MTFR1L: variants seen among roughly 807,000 people sequenced by gnomAD.
MTFR1L encodes mitochondrial fission regulator 1-like.
In MTFR1L, 10 loss-of-function variants were observed where a neutral mutation model predicts 27.9. That is an observed-to-expected ratio of 0.36 (90% CI 0.22 to 0.61). The LOEUF is 0.61. Among genes scored for constraint, MTFR1L ranks in the 20% least tolerant of loss-of-function variants. The pLI is 0.73. For synonymous variants in MTFR1L, 151 were observed against 139.4 expected (o/e 1.08, Z -0.58); for missense variants, 315 against 363.7 (o/e 0.87, Z 1.09).
chr1:25,826,473 A>G lies in MTFR1L; in HGVS notation c.239+62A>G. ...GAACTTCCCAGAAGAGGTGGCAGGC[A>G]GCAAGGAGAGAGGAATGAGAACTGT... On this transcript the variant is annotated intron_variant, in intron 4 of 6. Transcript: ENST00000374303. The surrounding 1 kb of genome is among the most constrained non-coding windows in gnomAD (Gnocchi z 4.1). 2 of 1,594,358 alleles carry G rather than the reference A, an allele frequency of 1.3e-6. No homozygotes were observed. Among genetic ancestry groups the G allele is most frequent in the South Asian group, 2.2e-5 (2 of 90,634 alleles).
chr1:25,828,473 T>C (rs56156487), intron 5 of MTFR1L, among the ~76,000 whole-genome samples: 5,863 of 151,150 alleles, frequency 0.039, 397 homozygotes, highest in African/African-American at 0.14. Flanking sequence ...ACCTGGAAGG[T>C]GGAGGTGGAG....
At chr1:25,824,414 C>T (rs933335998) in intron 3 of MTFR1L, among the ~76,000 whole-genome samples, 3 of 152,168 alleles carry the variant, frequency 2.0e-5, no homozygotes, top group African/African-American at 7.2e-5. Context: ...TGGTTAAGCA[C>T]CAGCCCCAAA....
rs138804319 is a variant in MTFR1L, at chr1:25,822,522, CTTTTTT to C, written c.-86-480_-86-475del. The C allele has an allele frequency of 3.4e-3, 369 of 109,042 alleles. 5 individuals are homozygous for C. Among genetic ancestry groups the C allele is most frequent in the African/African-American group, 5.2e-3 (124 of 23,960 alleles). 6.8% of individuals were successfully genotyped at this position (109,042 alleles called of 1,614,324 possible). On this transcript the variant is annotated intron_variant, in intron 1 of 6. Coordinates refer to ENST00000374303, the MANE Select transcript of MTFR1L (RefSeq NM_001099625.2). The stretch of plus-strand genomic sequence containing the variant: ...GGTTGGCCAAGCTCACTAGGCAAAT[CTTTTTT>C]TTTTTTTTTTTTTTTTGAGACGGAG...
intron 1 of MTFR1L, 152 bp from the exon 2 acceptor site, chr1:25,822,865 GCT>G (rs3033467): frequency 0.8 from 505,651 of 630,004 alleles, 204,167 homozygotes; most frequent in East Asian, 0.97. Flanking sequence ...TGGACTTAGA[GCT>G]AAGTGTTGGG....
chr1:25,820,267 TC>T lies in MTFR1L; in HGVS notation c.-87+239del, dbSNP rs1190405650. 3.9e-5 allele frequency: 18 copies of T among 455,784 alleles called. 1 individual carries two copies. In the Admixed American group the frequency reaches 4.2e-4, roughly 11 times the overall value. 28.2% of individuals were successfully genotyped at this position (455,784 alleles called of 1,614,324 possible). A position where few individuals can be genotyped will look rare whatever the true frequency, so the allele number is the denominator to read the frequency against. ...CAAGCCAGACCTCAGGCTTCTAGTTTCGGCTTCGCTGCTTGACGGGCCGGGC... is the reference window on the plus strand; with the variant it reads ...CAAGCCAGACCTCAGGCTTCTAGTTTGGCTTCGCTGCTTGACGGGCCGGGC... On this transcript the variant is annotated intron_variant, in intron 1 of 6. Coordinates refer to ENST00000374303, the MANE Select transcript of MTFR1L (RefSeq NM_001099625.2).
intron 5 of MTFR1L, among the ~76,000 whole-genome samples, chr1:25,828,534 T>C (rs1282918916): frequency 6.6e-6 from 1 of 151,222 alleles, no homozygotes; most frequent in East Asian, 1.9e-4. Flanking sequence ...CACTCCAGCA[T>C]GGGCGACAGA....
At chr1:25,830,125 C>T (rs2048218786) in intron 6 of MTFR1L, among the ~76,000 whole-genome samples, 1 of 152,180 alleles carries the variant, frequency 6.6e-6, no homozygotes, top group Admixed American at 6.5e-5. Flanking sequence ...AGTCCTCATA[C>T]TGCTAGTGAC....
At chr1:25,831,036 A>C (rs1447852756) in intron 6 of MTFR1L, among the ~76,000 whole-genome samples, 1 of 152,182 alleles carries the variant, frequency 6.6e-6, no homozygotes, top group Non-Finnish European at 1.5e-5. Context: ...CTTTTGGACC[A>C]AATTAGATTC....
chr1:25,823,479 C>G, intron 2 of MTFR1L, 165 bp from the exon 3 acceptor site: 1 of 1,150,728 alleles, frequency 8.7e-7, no homozygotes, highest in Non-Finnish European at 1.3e-6. Flanking sequence ...AGGCTGGCAA[C>G]TGGGGAACCT....
intron 6 of MTFR1L, among the ~76,000 whole-genome samples, chr1:25,830,991 T>C (rs2048231720): frequency 6.6e-6 from 1 of 152,162 alleles, no homozygotes; most frequent in South Asian, 2.1e-4. Flanking sequence ...AACAAAATGT[T>C]TTATAGGTTG....
chr1:25,826,092 C>T lies in MTFR1L; in HGVS notation c.130-210C>T, dbSNP rs1373333334. ...TCAAGCATTCTGCCTGCCTCGGCCT[C>T]CCAAATGCTGGGATTACAGGTGTGA... On this transcript the variant is annotated intron_variant, in intron 3 of 6. Transcript: ENST00000374303. The surrounding 1 kb of genome is among the most constrained non-coding windows in gnomAD (Gnocchi z 4.1). The T allele has an allele frequency of 6.9e-5, 36 of 520,876 alleles. No homozygotes were observed. The East Asian group carries it at 1.2e-3, about 17-fold the overall frequency. The allele number at this position is 520,876 out of a possible 1,614,324, so 32.3% of individuals were successfully genotyped here.
At position 25,826,655 on chromosome 1, in the gene MTFR1L, C is replaced by T; in HGVS notation, c.280C>T (p.Pro94Ser). 1 of 1,614,212 alleles carries T rather than the reference C, an allele frequency of 6.2e-7. No individual in the cohort carries two copies. Among genetic ancestry groups the T allele is most frequent in the African/African-American group, 1.3e-5 (1 of 75,048 alleles). The change falls in exon 5 of 7, where the codon CCT becomes TCT. Residue 94 changes from proline to serine, a missense_variant. Pro to Ser is a moderately conservative substitution (Grantham distance 74, BLOSUM62 -1). Coordinates refer to ENST00000374303, the MANE Select transcript of MTFR1L (RefSeq NM_001099625.2). This position sits in a 1 kb window ranked among gnomAD's most constrained non-coding sequence, Gnocchi z 4.1. ...RPLRHTWKPSPLIVMQRNASV... is the reference protein window; with the variant it reads ...RPLRHTWKPSSLIVMQRNASV... Reference sequence around the variant, plus strand: ...CCTGAGGCACACCTGGAAACCCAGCCCTCTGATTGTCATGCAGCGCAATGC... The same window carrying T: ...CCTGAGGCACACCTGGAAACCCAGCTCTCTGATTGTCATGCAGCGCAATGC...
At chr1:25,830,741 G>T (rs1309266301) in intron 6 of MTFR1L, among the ~76,000 whole-genome samples, 1 of 152,214 alleles carries the variant, frequency 6.6e-6, no homozygotes, top group African/African-American at 2.4e-5. Context: ...TTGTTAAAGG[G>T]AAAGTTACTT....
intron 3 of MTFR1L, among the ~76,000 whole-genome samples, chr1:25,824,052 AT>A (rs1043860202): frequency 1.3e-5 from 2 of 151,970 alleles, no homozygotes; most frequent in Non-Finnish European, 2.9e-5. Context: ...TTATTTTATT[AT>A]TTTTTGAGAT....
chr1:25,828,324 T>C (rs1242116101), intron 5 of MTFR1L, among the ~76,000 whole-genome samples: 1 of 152,270 alleles, frequency 6.6e-6, no homozygotes, highest in East Asian at 1.9e-4. Flanking sequence ...GGCTTACGCC[T>C]GTAATCCCAA....
In MTFR1L at chr1:25,823,022, G is replaced by C. The variant is rs1377005244; in HGVS notation, c.-83G>C. ...GGGAAATCTGGTGCTCCTCCAGATG[G>C]CCTGATATGAAGGAGTCACGCCTCC... On this transcript the variant is annotated 5_prime_UTR_variant, in exon 2 of 7. Coordinates refer to ENST00000374303, the MANE Select transcript of MTFR1L (RefSeq NM_001099625.2). 2 of 1,613,008 alleles carry C rather than the reference G, an allele frequency of 1.2e-6. No homozygotes were observed. Among genetic ancestry groups the C allele is most frequent in the African/African-American group, 1.3e-5 (1 of 74,916 alleles).
intron 1 of MTFR1L, chr1:25,822,748 G>A (rs910369474): frequency 1.5e-5 from 8 of 538,160 alleles, no homozygotes; most frequent in Admixed American, 3.3e-5. Context: ...GGATGGTCTC[G>A]CTCTCCTGAC....
intron 2 of MTFR1L, 66 bp from the exon 3 acceptor site, chr1:25,823,576 GGA>G (rs746895402): frequency 6.3e-7 from 1 of 1,576,918 alleles, no homozygotes; most frequent in South Asian, 1.2e-5. Context: ...AACCTAGAGA[GGA>G]GAGGACAAGG....
intron 6 of MTFR1L, 56 bp downstream of exon 6, chr1:25,829,886 A>G: frequency 7.1e-7 from 1 of 1,412,398 alleles, no homozygotes; most frequent in South Asian, 1.3e-5. Flanking sequence ...CCCATGGCCA[A>G]TTATGTAATG....
Sources: allele counts gnomAD v4.1 joint callset (sites outside exome capture counted in the v4.1 genomes callset), GRCh38; gene constraint gnomAD v4.1.1; non-coding constraint Gnocchi (gnomAD v3.1); transcripts MANE v1.5; gene names NCBI Gene and HGNC (gene_info 2026-07-23, HGNC 2026-07-21).